The following MEGF6 variants were observed in gnomAD, a reference collection of about 807,000 sequenced individuals.
MEGF6 encodes the protein multiple EGF like domains 6.
A neutral mutation model predicts 207.1 loss-of-function variants in MEGF6; 184 were observed. The observed-to-expected ratio is 0.89, with a 90% CI of 0.79 to 1.00. The LOEUF is 1.00. Ranked by LOEUF, MEGF6 falls within the 50% of genes least tolerant of loss-of-function variation. The probability of loss-of-function intolerance (pLI) is 0.00; values close to 1 mark genes in which losing one functional copy is unlikely to be tolerated. For synonymous variants in MEGF6, 1,038 were observed against 910.0 expected (o/e 1.14, Z -2.53); for missense variants, 2,282 against 2,202.9 (o/e 1.04, Z -0.72).
intron 4 of MEGF6, among the ~76,000 whole-genome samples, chr1:3,549,710 C>A (rs1408740630): frequency 6.6e-6 from 1 of 152,214 alleles, no homozygotes; most frequent in South Asian, 2.1e-4. Context: ...GGGCTATGGG[C>A]GTCACTTATG....
At chr1:3,615,073 CT>C (rs1400766572), upstream of MEGF6, among the ~76,000 whole-genome samples, 51 of 152,256 alleles carry the variant, frequency 3.3e-4, no homozygotes, top group Admixed American at 7.2e-4. Context: ...CATCTTTCCC[CT>C]GAAAATTACA....
At chr1:3,508,804 A>G (rs1006895692) in intron 12 of MEGF6, 115 bp from the exon 13 acceptor site, 17 of 1,346,268 alleles carry the variant, frequency 1.3e-5, no homozygotes, top group Non-Finnish European at 1.6e-5. Flanking sequence ...TCCTCGGCCC[A>G]TGAGGGCCCC....
chr1:3,528,375 G>A (rs184851978), intron 4 of MEGF6, among the ~76,000 whole-genome samples: 1 of 152,244 alleles, frequency 6.6e-6, no homozygotes, highest in African/African-American at 2.4e-5. Flanking sequence ...GACCCCGCAG[G>A]TGCTGAGCCG....
chr1:3,521,586 A>C (rs1406607043), intron 5 of MEGF6, among the ~76,000 whole-genome samples: 1 of 151,934 alleles, frequency 6.6e-6, no homozygotes, highest in Non-Finnish European at 1.5e-5. Context: ...CCCTCAAACA[A>C]ACACGCCTGG....
At chr1:3,583,033 G>T (rs936807826) in intron 3 of MEGF6, among the ~76,000 whole-genome samples, 5 of 152,188 alleles carry the variant, frequency 3.3e-5, no homozygotes, top group Non-Finnish European at 7.4e-5. Flanking sequence ...ACAAACCACC[G>T]CATGGCCAGG....
rs558744530 is a variant in MEGF6 at position 3,602,243 on chromosome 1, T to A, written c.266+223A>T. Among the ~76,000 whole-genome samples the A allele has an allele frequency of 2.0e-5, 3 of 152,248 alleles. No homozygotes were observed. In the South Asian group the frequency reaches 6.2e-4, roughly 32 times the overall value. The stretch of plus-strand genomic sequence containing the variant: ...ACACACCCCTCACAAAGGACTCAGG[T>A]GCTCGGCTAAACAGGAGAGGGCTAC... On this transcript the variant is annotated intron_variant, in intron 2 of 36. Coordinates refer to ENST00000356575, the MANE Select transcript of MEGF6 (RefSeq NM_001409.4).
intron 4 of MEGF6, among the ~76,000 whole-genome samples, chr1:3,557,429 G>A (rs1003380707): frequency 1.3e-5 from 2 of 152,200 alleles, no homozygotes; most frequent in East Asian, 1.9e-4. Context: ...CATCCTGCCC[G>A]GCCAGGCTGG....
intron 17 of MEGF6, 54 bp from the exon 18 acceptor site, chr1:3,501,975 A>T: frequency 9.3e-7 from 1 of 1,077,588 alleles, no homozygotes; most frequent in South Asian, 2.0e-5. Context: ...TGGACTGACC[A>T]GAGCCTTTCC....
At position 3,556,422 on chromosome 1, in the gene MEGF6, C is replaced by T. The variant is rs761739152; in HGVS notation, c.481+23403G>A. On this transcript the variant is annotated intron_variant, in intron 4 of 36. Transcript: ENST00000356575. The surrounding 1 kb of genome is among the most constrained non-coding windows in gnomAD (Gnocchi z 4.4). The stretch of plus-strand genomic sequence containing the variant: ...GCCGGCTGGCTGAACCAAATTGGCC[C>T]GGGACCTCCTCACGGAGCCACAGCC... 1.3e-5 allele frequency among the ~76,000 whole-genome samples: 2 copies of T among 152,196 alleles called. No individual in the cohort carries two copies. Among genetic ancestry groups the T allele is most frequent in the South Asian group, 4.1e-4 (2 of 4,828 alleles).
intron 5 of MEGF6, among the ~76,000 whole-genome samples, chr1:3,518,316 A>T (rs1307864884): frequency 6.6e-6 from 1 of 152,116 alleles, no homozygotes; most frequent in Non-Finnish European, 1.5e-5. Flanking sequence ...ATTCTAGGAG[A>T]CATCACTCCA....
intron 4 of MEGF6, among the ~76,000 whole-genome samples, chr1:3,558,998 C>G (rs1252654206): frequency 1.3e-5 from 2 of 152,106 alleles, no homozygotes; most frequent in Admixed American, 1.3e-4. Context: ...TGCACTCCAG[C>G]CTGGGTGACA....
At position 3,560,384 on chromosome 1, in the gene MEGF6, A is replaced by G. The variant is rs1040234141; in HGVS notation, c.481+19441T>C. 6.6e-6 allele frequency among the ~76,000 whole-genome samples: 1 copy of G among 152,138 alleles called. No individual in the cohort carries two copies. Among genetic ancestry groups the G allele is most frequent in the Admixed American group, 6.5e-5 (1 of 15,280 alleles). On this transcript the variant is annotated intron_variant, in intron 4 of 36. Coordinates refer to ENST00000356575, the MANE Select transcript of MEGF6 (RefSeq NM_001409.4). This position sits in a 1 kb window ranked among gnomAD's most constrained non-coding sequence, Gnocchi z 4.0. ...TTCCATGGACTTGGACAAGTGTCTC[A>G]TGGCCTGGATCCACCATTGTAAGAT...
At position 3,557,270 on chromosome 1, in the gene MEGF6, T is replaced by C. The variant is rs573581334; in HGVS notation, c.481+22555A>G. Among the ~76,000 whole-genome samples, 3 of 152,324 alleles carry C rather than the reference T, an allele frequency of 2.0e-5. No individual in the cohort carries two copies. The South Asian group carries it at 6.2e-4, about 32-fold the overall frequency. On this transcript the variant is annotated intron_variant, in intron 4 of 36. Coordinates refer to ENST00000356575, the MANE Select transcript of MEGF6 (RefSeq NM_001409.4). ...ACTAGAGATCACAGATCTGTGCTGT[T>C]TGAAGCATTACACTTCTAACCATTT...
chr1:3,605,801 C>T (rs1644241775), intron 1 of MEGF6, among the ~76,000 whole-genome samples: 1 of 152,154 alleles, frequency 6.6e-6, no homozygotes, highest in East Asian at 1.9e-4. Context: ...AATGGGAGGA[C>T]CAGGAAGAGA....
At position 3,602,502 on chromosome 1, in the gene MEGF6, C is replaced by T. The variant is rs902780317; in HGVS notation, c.230G>A (p.Cys77Tyr). 1 of 1,613,312 alleles carries T rather than the reference C, an allele frequency of 6.2e-7. No individual in the cohort carries two copies. Reference sequence around the variant, plus strand: ...ACCCACGCACCACGCCTGCCACCCACAGCCGGCCTTCCACACCGGCACCGT... The same window carrying T: ...ACCCACGCACCACGCCTGCCACCCATAGCCGGCCTTCCACACCGGCACCGT... ...SHTVPVWKAG[C>Y]GWQAWCVGHE... The change falls in exon 2 of 37, where the codon TGT (cysteine) becomes TAT (tyrosine). Residue 77 changes from cysteine to tyrosine, a missense_variant. Coordinates refer to ENST00000356575, the MANE Select transcript of MEGF6 (RefSeq NM_001409.4).
chr1:3,499,758 G>A (rs1640774316), intron 22 of MEGF6, 38 bp downstream of exon 22: 5 of 1,588,876 alleles, frequency 3.1e-6, no homozygotes, highest in Non-Finnish European at 4.3e-6. Flanking sequence ...CCACACTGGA[G>A]GCCACCCAGC....
the MEGF6 span, among the ~76,000 whole-genome samples, chr1:3,619,531 G>T: frequency 4.0e-5 from 6 of 149,514 alleles, no homozygotes; most frequent in African/African-American, 1.2e-4. Context: ...TTGCATCATG[G>T]GGGCAGATTT....
At chr1:3,515,177 G>A (rs1641498874) in intron 6 of MEGF6, among the ~76,000 whole-genome samples, 1 of 152,202 alleles carries the variant, frequency 6.6e-6, no homozygotes, top group African/African-American at 2.4e-5. Flanking sequence ...TGCCAAACCG[G>A]ACTGGCCTGC....
chr1:3,579,058 A>G (rs768050218), intron 4 of MEGF6, among the ~76,000 whole-genome samples: 22 of 152,318 alleles, frequency 1.4e-4, no homozygotes, highest in Non-Finnish European at 2.9e-4. Context: ...GGTGGCCACC[A>G]CACGAGCAGT....
Sources: allele counts gnomAD v4.1 joint callset (sites outside exome capture counted in the v4.1 genomes callset), GRCh38; gene constraint gnomAD v4.1.1; non-coding constraint Gnocchi (gnomAD v3.1); transcripts MANE v1.5; gene names NCBI Gene and HGNC (gene_info 2026-07-23, HGNC 2026-07-21).